The following MT4 variants were observed in gnomAD, a reference collection of about 807,000 sequenced individuals.
MT4 encodes the protein metallothionein-4.
MT4 carries 11 observed loss-of-function variants against 9.5 expected under a neutral mutation model. The ratio of observed to expected loss-of-function variants is 1.16; its 90% CI spans 0.73 to 1.92. The LOEUF (loss-of-function observed/expected upper bound fraction) is 1.92. MT4 is among the 30% of genes most tolerant of loss of function. The pLI is 0.00. For synonymous variants in MT4, 29 were observed against 24.6 expected, an observed-to-expected ratio of 1.18 and a Z score of -0.53; for missense variants, 88 against 78.7, an observed-to-expected ratio of 1.12 and a Z score of -0.45.
chr16:56,566,730 GAAAGAAAGAAA>G (rs778122510), intron 1 of MT4, among the ~76,000 whole-genome samples: 657 of 32,300 alleles, frequency 0.02, 7 homozygotes, highest in Middle Eastern at 0.05. Flanking sequence ...AAGAAAGAAA[GAAAGAAAGAAA>G]GAAAGAAGGA....
chr16:56,568,219 GAAAGAAAGAAAGAA>G, intron 2 of MT4, among the ~76,000 whole-genome samples: 1 of 23,228 alleles, frequency 4.3e-5, no homozygotes, highest in Admixed American at 4.8e-4. Flanking sequence ...GAGAGAGAAA[GAAAGAAAGAAAGAA>G]AGAAAGAAAG....
chr16:56,566,738 GA>G (rs746200793), intron 1 of MT4, among the ~76,000 whole-genome samples: 18,013 of 53,288 alleles, frequency 0.34, 2,081 homozygotes, highest in Middle Eastern at 0.52. Flanking sequence ...AAGAAAGAAA[GA>G]AAGAAAGAAG....
At chr16:56,567,263 A>G (rs1401805964) in intron 1 of MT4, among the ~76,000 whole-genome samples, 2 of 151,472 alleles carry the variant, frequency 1.3e-5, no homozygotes, top group African/African-American at 4.9e-5. Flanking sequence ...GCCTCATGTG[A>G]TTCACCTGTC....
intron 1 of MT4, 149 bp from the exon 2 acceptor site, chr16:56,567,602 G>C (rs151252637): frequency 1.5e-6 from 1 of 674,216 alleles, no homozygotes; most frequent in Non-Finnish European, 2.7e-6. Context: ...ACACTGGGTC[G>C]ATGCTCAGCA....
intron 2 of MT4, among the ~76,000 whole-genome samples, chr16:56,568,193 AAGGAAG>A (rs1191867794): frequency 8.4e-6 from 1 of 119,566 alleles, no homozygotes; most frequent in South Asian, 3.5e-4. Context: ...GGAAGGAAGG[AAGGAAG>A]AGAGAGAGAG....
At chr16:56,565,922 G>A (rs1355538981) in intron 1 of MT4, among the ~76,000 whole-genome samples, 3 of 151,742 alleles carry the variant, frequency 2.0e-5, no homozygotes, top group Non-Finnish European at 2.9e-5. Flanking sequence ...AAACTTAGCT[G>A]GGCGTAGTAG....
Position 56,567,812 on chromosome 16 carries a change from G to C in MT4, c.93G>C (p.Trp31Cys). The change falls in exon 2 of 3, where the codon TGG becomes TGC. Residue 31 changes from tryptophan to cysteine, a missense_variant. Trp to Cys is a radical substitution (Grantham distance 215). Coordinates refer to ENST00000219162, the MANE Select transcript of MT4 (RefSeq NM_032935.3). The stretch of plus-strand genomic sequence containing the variant: ...CAACCTGCAACTGTAAAACATATTG[G>C]AAGAGTGAGTATGGTGACTGGGGGC... Reference protein sequence around the residue: ...KCTTCNCKTYWKSCCPCCPPG... With the variant: ...KCTTCNCKTYCKSCCPCCPPG... 3 of 1,612,122 alleles carry C rather than the reference G, an allele frequency of 1.9e-6. No individual in the cohort carries two copies. The highest frequency in any genetic ancestry group is 1.7e-6 in the Non-Finnish European group (2 of 1,178,510).
intron 1 of MT4, among the ~76,000 whole-genome samples, chr16:56,566,745 A>AGAAAGAAAGAAAGAAG (rs1567329863): frequency 4.3e-5 from 2 of 46,150 alleles, no homozygotes; most frequent in Admixed American, 2.5e-4. Flanking sequence ...AAAGAAAGAA[A>AGAAAGAAAGAAAGAAG]GAAGGAAGGA....
Position 56,565,101 on chromosome 16 carries a change from G to A in MT4, c.-28G>A, listed in dbSNP as rs1959499295. The A allele has an allele frequency of 3.1e-6, 5 of 1,612,910 alleles. No individual in the cohort carries two copies. In the East Asian group the frequency reaches 1.1e-4, roughly 36 times the overall value. ...CAGCCTCCCTTCCCCAGCCGTGACAGCACTGGAGCCTTTCGGACACCTGGA... is the reference window on the plus strand; with the variant it reads ...CAGCCTCCCTTCCCCAGCCGTGACAACACTGGAGCCTTTCGGACACCTGGA... On this transcript the variant is annotated 5_prime_UTR_variant, in exon 1 of 3. Coordinates refer to ENST00000219162, the MANE Select transcript of MT4 (RefSeq NM_032935.3).
At chr16:56,568,116 G>A (rs1472513963) in intron 2 of MT4, among the ~76,000 whole-genome samples, 1 of 150,722 alleles carries the variant, frequency 6.6e-6, no homozygotes, top group Non-Finnish European at 1.5e-5. Flanking sequence ...TCACACCATT[G>A]CACTCCAGCC....
At chr16:56,566,822 A>AGGAAGGAAGGAAG (rs1567330047) in intron 1 of MT4, among the ~76,000 whole-genome samples, 2 of 74,586 alleles carry the variant, frequency 2.7e-5, no homozygotes, top group African/African-American at 4.6e-5. Flanking sequence ...AAGAAAGAAA[A>AGGAAGGAAGGAAG]GAAAGAAAGA....
intron 1 of MT4, among the ~76,000 whole-genome samples, chr16:56,565,850 G>A (rs1193318933): frequency 6.6e-6 from 1 of 152,088 alleles, no homozygotes; most frequent in Non-Finnish European, 1.5e-5. Flanking sequence ...AATCACTTGA[G>A]GCCAGGAGTT....
chr16:56,567,753 G>A lies in MT4; in HGVS notation c.34G>A (p.Gly12Arg), dbSNP rs780100784. 26 of 1,613,226 alleles carry A rather than the reference G, an allele frequency of 1.6e-5. No individual in the cohort carries two copies. Among genetic ancestry groups the A allele is most frequent in the Non-Finnish European group, 2.2e-5 (26 of 1,179,338 alleles). The change falls in exon 2 of 3, where the codon GGA becomes AGA. Residue 12 changes from glycine (G) to arginine (R), a missense_variant and splice_region_variant. Physicochemically the swap from Gly to Arg is moderately radical, Grantham distance 125 (BLOSUM62 -2). Coordinates refer to ENST00000219162, the MANE Select transcript of MT4 (RefSeq NM_032935.3). ...GGTGGCTCTGTCCTGTCTTCTAGGA[G>A]GAATCTGCATGTGTGGAGACAACTG... The part of the protein sequence containing the change: ...DPRECVCMSG[G>R]ICMCGDNCKC...
At chr16:56,566,067 A>T (rs1959514347) in intron 1 of MT4, among the ~76,000 whole-genome samples, 1 of 151,636 alleles carries the variant, frequency 6.6e-6, no homozygotes, top group Admixed American at 6.6e-5. Flanking sequence ...CTTTCTCAAA[A>T]AAAAAGAAGA....
At chr16:56,567,923 C>T (rs945729011) in intron 2 of MT4, 107 bp downstream of exon 2, 68 of 836,272 alleles carry the variant, frequency 8.1e-5, no homozygotes, top group Middle Eastern at 5.9e-4. Context: ...GAGGCCGAGG[C>T]GGGTGGATTA....
chr16:56,567,223 C>T (rs1032850326), intron 1 of MT4, among the ~76,000 whole-genome samples: 1 of 151,824 alleles, frequency 6.6e-6, no homozygotes, highest in African/African-American at 2.4e-5. Flanking sequence ...GGGGTTTCTC[C>T]ATGTTGGCCA....
chr16:56,565,497 G>A (rs1388047416), intron 1 of MT4, among the ~76,000 whole-genome samples: 1 of 152,176 alleles, frequency 6.6e-6, no homozygotes, highest in African/African-American at 2.4e-5. Context: ...GTCCATTGCT[G>A]CGGTCCCCTC....
chr16:56,567,372 G>C (rs1959549434), intron 1 of MT4, among the ~76,000 whole-genome samples: 1 of 152,144 alleles, frequency 6.6e-6, no homozygotes, highest in African/African-American at 2.4e-5. Context: ...CTTGGGCTTG[G>C]AAACGCTGGC....
chr16:56,565,298 A>C, intron 1 of MT4, 139 bp downstream of exon 1: 5 of 797,642 alleles, frequency 6.3e-6, no homozygotes, highest in Non-Finnish European at 9.7e-6. Context: ...CGACAGGTGG[A>C]CTGGCCACCT....
Sources: allele counts gnomAD v4.1 joint callset (sites outside exome capture counted in the v4.1 genomes callset), GRCh38; gene constraint gnomAD v4.1.1; transcripts MANE v1.5; gene names NCBI Gene and HGNC (gene_info 2026-07-23, HGNC 2026-07-21).